The following SFI1 variants were observed in gnomAD, a reference collection of about 807,000 sequenced individuals.
SFI1 encodes SFI1 centrin binding protein, also known as protein SFI1 homolog.
Under a neutral mutation model 207.5 loss-of-function variants are expected in SFI1, and 195 were observed. The observed-to-expected ratio is 0.94, with a 90% CI of 0.84 to 1.06. The LOEUF (loss-of-function observed/expected upper bound fraction) is 1.06. Among genes scored for constraint, SFI1 ranks in the 50% least tolerant of loss-of-function variants. SFI1 has a pLI of 0.00. For synonymous variants in SFI1, 630 were observed against 598.9 expected, an observed-to-expected ratio of 1.05 and a Z score of -0.76; for missense variants, 1,634 against 1,588.0, an observed-to-expected ratio of 1.03 and a Z score of -0.49.
At position 31,584,934 on chromosome 22, in the gene SFI1, G is replaced by A. The variant is rs148988354; in HGVS notation, c.1347-134G>A. On this transcript the variant is annotated intron_variant, in intron 13 of 32. Transcript: ENST00000400288. Reference sequence around the variant, plus strand: ...TATTAGATATCAGGTTCTTATTGCCGTCTCTCCTAGAATGAAACTAGTAAG... The same window carrying A: ...TATTAGATATCAGGTTCTTATTGCCATCTCTCCTAGAATGAAACTAGTAAG... 3.3e-3 allele frequency: 1,759 copies of A among 527,004 alleles called. 6 individuals are homozygous for A. The highest frequency in any genetic ancestry group is 4.0e-3 in the Non-Finnish European group (1,220 of 304,996). 32.6% of individuals were successfully genotyped at this position (527,004 alleles called of 1,614,324 possible).
At chr22:31,617,971 C>T (rs1305877960) in intron 31 of SFI1, 144 bp from the exon 32 acceptor site, 7 of 851,580 alleles carry the variant, frequency 8.2e-6, no homozygotes, top group Non-Finnish European at 1.2e-5. Context: ...AAGCAGGGGC[C>T]TGCAGTTCAG....
At position 31,582,503 on chromosome 22, in the gene SFI1, C is replaced by T. The variant is rs559977535; in HGVS notation, c.1249-1372C>T. ...CTGACCTTTGGTGATCCTCCCACCT[C>T]GGCCTCCCAAAGTGTTGGGATTACA... On this transcript the variant is annotated intron_variant, in intron 12 of 32. Transcript: ENST00000400288. Among the ~76,000 whole-genome samples, 17 of 151,624 alleles carry T rather than the reference C, an allele frequency of 1.1e-4. No individual in the cohort carries two copies. In the South Asian group the frequency reaches 2.9e-3, roughly 26 times the overall value.
At chr22:31,564,133 C>T (rs1310235728) in intron 8 of SFI1, among the ~76,000 whole-genome samples, 2 of 151,498 alleles carry the variant, frequency 1.3e-5, no homozygotes, top group South Asian at 2.1e-4. Context: ...GGAGACCATC[C>T]TGGCTAACAC....
At chr22:31,562,932 G>T (rs546374350) in intron 8 of SFI1, among the ~76,000 whole-genome samples, 74 of 150,362 alleles carry the variant, frequency 4.9e-4, no homozygotes, top group African/African-American at 1.8e-3. Flanking sequence ...ACATCCGGCC[G>T]CTTGGAGCCA....
chr22:31,575,948 T>C lies in SFI1; in HGVS notation c.1084+556T>C, dbSNP rs562501868. On this transcript the variant is annotated intron_variant, in intron 10 of 32. Transcript: ENST00000400288. ...GACGAGGAAAGAGATTCAGAGGAGC[T>C]GAGTGTATTCTAAAGTCACAGGTCA... Among the ~76,000 whole-genome samples the C allele has an allele frequency of 6.6e-5, 10 of 152,290 alleles. No homozygotes were observed. In the South Asian group the frequency reaches 2.1e-3, roughly 32 times the overall value.
At chr22:31,578,831 G>C (rs1220671750) in intron 11 of SFI1, among the ~76,000 whole-genome samples, 1 of 152,110 alleles carries the variant, frequency 6.6e-6, no homozygotes, top group East Asian at 1.9e-4. Context: ...CTTGCTACAC[G>C]AGGTGGTCTT....
intron 31 of SFI1, among the ~76,000 whole-genome samples, chr22:31,617,707 C>A (rs2071942343): frequency 6.7e-6 from 1 of 148,684 alleles, no homozygotes. Context: ...GGCAACACAG[C>A]AACACTCCAT....
At chr22:31,586,737 A>G (rs945172637) in intron 14 of SFI1, among the ~76,000 whole-genome samples, 1 of 152,204 alleles carries the variant, frequency 6.6e-6, no homozygotes, top group African/African-American at 2.4e-5. Flanking sequence ...GGTGGAGAGC[A>G]GAGGGTCTCT....
intron 5 of SFI1, among the ~76,000 whole-genome samples, chr22:31,548,637 C>T (rs1569278958): frequency 1.4e-5 from 2 of 147,832 alleles, no homozygotes; most frequent in East Asian, 2.0e-4. Flanking sequence ...AGCAAGACTC[C>T]GTCTCCAAAA....
intron 1 of SFI1, among the ~76,000 whole-genome samples, chr22:31,504,048 T>C (rs1489813079): frequency 6.6e-6 from 1 of 152,156 alleles, no homozygotes; most frequent in Non-Finnish European, 1.5e-5. Context: ...AGGCTGGAGA[T>C]AGAATGGAGA....
chr22:31,497,868 A>G (rs1363141530), intron 1 of SFI1, among the ~76,000 whole-genome samples: 1 of 152,220 alleles, frequency 6.6e-6, no homozygotes, highest in Admixed American at 6.5e-5. Context: ...TTAACAAGGC[A>G]CCTGGTCACC....
intron 2 of SFI1, among the ~76,000 whole-genome samples, chr22:31,526,634 C>T (rs935889692): frequency 6.6e-6 from 1 of 151,398 alleles, no homozygotes; most frequent in African/African-American, 2.4e-5. Flanking sequence ...CAGTTCACTG[C>T]AGCCTCTGCC....
In SFI1 at chr22:31,618,280, C is replaced by T. The variant is rs777314902; in HGVS notation, c.3625-34C>T. The T allele has an allele frequency of 6.9e-6, 11 of 1,603,966 alleles. No homozygotes were observed. In the South Asian group the frequency reaches 1.2e-4, roughly 18 times the overall value. ...CCTGGGGACGCCCCGGGCTGTGCTC[C>T]CTCTCAGCCCTGCCTGTCCCTCCAT... is the stretch of plus-strand genomic sequence containing the variant. On this transcript the variant is annotated intron_variant, in intron 32 of 32. Coordinates refer to ENST00000400288, the MANE Select transcript of SFI1 (RefSeq NM_001007467.3).
chr22:31,592,895 C>T (rs1233774258), intron 15 of SFI1, among the ~76,000 whole-genome samples: 6 of 120,566 alleles, frequency 5.0e-5, no homozygotes, highest in African/African-American at 2.1e-4. Context: ...GGCTGGCTGG[C>T]CGGGCTGAGG....
At position 31,618,111 on chromosome 22, in the gene SFI1, T is replaced by C; in HGVS notation, c.3513-4T>C. The C allele has an allele frequency of 1.9e-6, 3 of 1,566,006 alleles. No homozygotes were observed. The highest frequency in any genetic ancestry group is 2.6e-6 in the Non-Finnish European group (3 of 1,156,346). On this transcript the variant is annotated splice_region_variant and splice_polypyrimidine_tract_variant and intron_variant, in intron 31 of 32. Coordinates refer to ENST00000400288, the MANE Select transcript of SFI1 (RefSeq NM_001007467.3). ...GGCAGGCAGTGGGTATCTCCACCCCTCAGGTCCTGTCGGCGGCAAGCGAGC... is the reference window on the plus strand; with the variant it reads ...GGCAGGCAGTGGGTATCTCCACCCCCCAGGTCCTGTCGGCGGCAAGCGAGC...
intron 8 of SFI1, among the ~76,000 whole-genome samples, chr22:31,565,533 C>CA (rs532600236): frequency 0.26 from 30,631 of 116,070 alleles, 3,641 homozygotes; most frequent in East Asian, 0.46. Context: ...CCCATCTCTA[C>CA]AAAAAAAAAA....
chr22:31,589,313 A>AT, intron 14 of SFI1, 134 bp from the exon 15 acceptor site: 1 of 965,602 alleles, frequency 1.0e-6, no homozygotes, highest in Non-Finnish European at 1.5e-6. Flanking sequence ...ATTGGCAAAG[A>AT]TAATAAATAA....
rs1359675087 is a variant in SFI1, at chr22:31,615,255, C to T, written c.3276C>T (p.Pro1092=). The change falls in exon 29 of 33, where the codon CCC becomes CCT. Residue 1092 remains proline (P), a synonymous_variant. Coordinates refer to ENST00000400288, the MANE Select transcript of SFI1 (RefSeq NM_001007467.3). ...LLLLPLSSFM[P]CGAAAPARVS... ...TGCTGCCTCTTTCCTCCTTCATGCC[C>T]TGCGGGGCGGCTGCACCAGCCAGGG... 3.3e-6 allele frequency: 5 copies of T among 1,509,288 alleles called. No homozygotes were observed. The highest frequency in any genetic ancestry group is 4.4e-6 in the Non-Finnish European group (5 of 1,136,228). The allele number at this position is 1,509,288 out of a possible 1,614,324, so 93.5% of individuals were successfully genotyped here.
At chr22:31,496,189 C>T (rs2052628181), upstream of SFI1, 1 of 152,306 alleles carries the variant, frequency 6.6e-6, no homozygotes, top group Admixed American at 6.5e-5. Context: ...CAGCTGGAAC[C>T]TCATCTTTAG....
Sources: allele counts gnomAD v4.1 joint callset (sites outside exome capture counted in the v4.1 genomes callset), GRCh38; gene constraint gnomAD v4.1.1; transcripts MANE v1.5; gene names NCBI Gene and HGNC (gene_info 2026-07-23, HGNC 2026-07-21).